MAP3K8: variants seen among roughly 807,000 people sequenced by gnomAD.
MAP3K8 encodes the protein mitogen-activated protein kinase kinase kinase 8.
In MAP3K8, 22 loss-of-function variants were observed where a neutral mutation model predicts 45.8. The observed-to-expected ratio is 0.48, with a 90% CI of 0.34 to 0.69. MAP3K8 has a LOEUF of 0.69. Among genes scored for constraint, MAP3K8 ranks in the 30% least tolerant of loss-of-function variants. MAP3K8 has a pLI of 0.01. For missense variants in MAP3K8, 419 were observed against 585.0 expected (o/e 0.72, Z 2.93); for synonymous variants, 223 against 214.3 (o/e 1.04, Z -0.36).
chr10:30,446,399 G>A (rs556406501), intron 3 of MAP3K8, among the ~76,000 whole-genome samples: 1 of 152,072 alleles, frequency 6.6e-6, no homozygotes, highest in Admixed American at 6.6e-5. Context: ...GCCAGGCGTG[G>A]TGGTGCGTAC....
Position 30,459,378 on chromosome 10 carries a change from A to C in MAP3K8, c.1150A>C (p.Lys384Gln). The change falls in exon 8 of 9, where the codon AAA becomes CAA. Residue 384 changes from lysine (K) to glutamine (Q), a missense_variant. Coordinates refer to ENST00000263056, the MANE Select transcript of MAP3K8 (RefSeq NM_005204.4). ...NHRPRAADLLKHEALNPPRED... is the reference protein window; with the variant it reads ...NHRPRAADLLQHEALNPPRED... The stretch of plus-strand genomic sequence containing the variant: ...CCGCCCAAGAGCCGCAGACCTACTA[A>C]AACATGAGGCCCTGAACCCGCCCAG... The C allele has an allele frequency of 6.2e-7, 1 of 1,614,116 alleles. No individual in the cohort carries two copies. Among genetic ancestry groups the C allele is most frequent in the South Asian group, 1.1e-5 (1 of 91,078 alleles).
At chr10:30,450,594 T>A in intron 5 of MAP3K8, 75 bp downstream of exon 5, 1 of 1,387,070 alleles carries the variant, frequency 7.2e-7, no homozygotes, top group Non-Finnish European at 1.0e-6. Context: ...CTCCTTCCTG[T>A]AATCTGAAGA....
chr10:30,455,051 G>A lies in MAP3K8; in HGVS notation c.874-3033G>A, dbSNP rs142552658. Among the ~76,000 whole-genome samples the A allele has an allele frequency of 5.9e-4, 90 of 152,270 alleles. 1 individual carries two copies. Among genetic ancestry groups the A allele is most frequent in the African/African-American group, 2.0e-3 (85 of 41,550 alleles). On this transcript the variant is annotated intron_variant, in intron 6 of 8. Coordinates refer to ENST00000263056, the MANE Select transcript of MAP3K8 (RefSeq NM_005204.4). ...AGTGTTCTTTCTGGGGCTGTCTAGC[G>A]GAATGCATGGATATGAGATAATAAC...
At chr10:30,441,582 G>C (rs8176978) in intron 3 of MAP3K8, among the ~76,000 whole-genome samples, 2,474 of 152,264 alleles carry the variant, frequency 0.016, 70 homozygotes, top group African/African-American at 0.056. Flanking sequence ...AAAAACAGAA[G>C]AGAATAAGAG....
rs140828022 is a variant in MAP3K8 at position 30,457,687 on chromosome 10, C to A, written c.874-397C>A. The stretch of plus-strand genomic sequence containing the variant: ...TTGAGACTGAGTCTCGCTCTGTCTC[C>A]CAGGCTGGAGTGCAGTGGTGCGATC... On this transcript the variant is annotated intron_variant, in intron 6 of 8. Transcript: ENST00000263056. 5.3e-5 allele frequency among the ~76,000 whole-genome samples: 8 copies of A among 152,212 alleles called. 1 individual carries two copies. Among genetic ancestry groups the A allele is most frequent in the Non-Finnish European group, 1.0e-4 (7 of 68,016 alleles).
Position 30,439,044 on chromosome 10 carries a change from A to C in MAP3K8, c.106A>C (p.Ser36Arg), listed in dbSNP as rs1384970865. 1.2e-6 allele frequency: 2 copies of C among 1,614,116 alleles called. No individual in the cohort carries two copies. The highest frequency in any genetic ancestry group is 2.7e-5 in the African/African-American group (2 of 75,054). Reference protein sequence around the residue: ...VIDIMENLYASEEPAVYEPSL... With the variant: ...VIDIMENLYAREEPAVYEPSL... ...AGACATTATGGAAAATCTTTATGCA[A>C]GTGAAGAGCCAGCAGTTTATGAACC... The change falls in exon 3 of 9, where the codon AGT (serine) becomes CGT (arginine). Residue 36 changes from serine to arginine, a missense_variant. Ser to Arg is a moderately radical substitution (Grantham distance 110). Coordinates refer to ENST00000263056, the MANE Select transcript of MAP3K8 (RefSeq NM_005204.4).
At chr10:30,435,576 G>C (rs1404186466) in intron 1 of MAP3K8, among the ~76,000 whole-genome samples, 1 of 152,102 alleles carries the variant, frequency 6.6e-6, no homozygotes, top group Non-Finnish European at 1.5e-5. Flanking sequence ...TTTTGAGAGG[G>C]GGTTTCACTC....
At chr10:30,457,069 G>C (rs1836756582) in intron 6 of MAP3K8, among the ~76,000 whole-genome samples, 1 of 151,818 alleles carries the variant, frequency 6.6e-6, no homozygotes, top group Non-Finnish European at 1.5e-5. Flanking sequence ...GGGTGACAGA[G>C]GGAGACCCCA....
chr10:30,434,462 G>T, intron 1 of MAP3K8, 84 bp downstream of exon 1: 1 of 985,656 alleles, frequency 1.0e-6, no homozygotes, highest in African/African-American at 1.7e-5. Context: ...CAGAAATGGA[G>T]GGTGCCCCCA....
chr10:30,444,065 G>T (rs374321650), intron 3 of MAP3K8, among the ~76,000 whole-genome samples: 1 of 151,796 alleles, frequency 6.6e-6, no homozygotes, highest in East Asian at 1.9e-4. Context: ...TGGCACACAC[G>T]TGTAGTCCCA....
rs1320749542 is a variant in MAP3K8, at chr10:30,438,807, G to A, written c.-23-109G>A. The stretch of plus-strand genomic sequence containing the variant: ...AGTTGACACAGAACCCTCGTTTTCT[G>A]AACAAAAGCATATAAAATCCTGTTG... On this transcript the variant is annotated intron_variant, in intron 2 of 8. Transcript: ENST00000263056. The A allele has an allele frequency of 1.2e-5, 8 of 648,062 alleles. No individual in the cohort carries two copies. The East Asian group carries it at 1.9e-4, about 16-fold the overall frequency. The allele number at this position is 648,062 out of a possible 1,614,324, so 40.1% of individuals were successfully genotyped here.
Position 30,458,198 on chromosome 10 carries a change from C to T in MAP3K8, c.988C>T (p.Arg330Cys). 1.3e-6 allele frequency: 2 copies of T among 1,589,066 alleles called. No homozygotes were observed. The highest frequency in any genetic ancestry group is 1.1e-5 in the South Asian group (1 of 87,282). The change falls in exon 7 of 9, where the codon CGC becomes TGC. Residue 330 changes from arginine to cysteine, a missense_variant. Physicochemically the swap from Arg to Cys is radical, Grantham distance 180. This residue lies in a region of MAP3K8 where 209 missense variants were observed against 367.3 expected (regional missense o/e 0.57). Coordinates refer to ENST00000263056, the MANE Select transcript of MAP3K8 (RefSeq NM_005204.4). ...GACGGGCACCCCACCCTGGGTGAAG[C>T]GCTACCCTCGCTCAGCCTATCCCTC... ...MQTGTPPWVK[R>C]YPRSAYPSYL...
At chr10:30,440,763 C>G (rs1836076062) in intron 3 of MAP3K8, among the ~76,000 whole-genome samples, 1 of 151,808 alleles carries the variant, frequency 6.6e-6, no homozygotes, top group African/African-American at 2.4e-5. Flanking sequence ...GTGTATTTCT[C>G]TCATTTTTAA....
chr10:30,460,586 C>A, intron 8 of MAP3K8, 120 bp from the exon 9 acceptor site: 1 of 768,230 alleles, frequency 1.3e-6, no homozygotes, highest in Non-Finnish European at 2.0e-6. Context: ...AAAGACCCAT[C>A]TTTCACGCTT....
chr10:30,441,238 T>C (rs192852077), intron 3 of MAP3K8, among the ~76,000 whole-genome samples: 3 of 151,638 alleles, frequency 2.0e-5, no homozygotes, highest in East Asian at 3.9e-4. Context: ...CTCACTGCAA[T>C]CTCCGCCTCA....
At chr10:30,443,640 A>G (rs536926361) in intron 3 of MAP3K8, among the ~76,000 whole-genome samples, 1 of 152,362 alleles carries the variant, frequency 6.6e-6, no homozygotes, top group South Asian at 2.1e-4. Context: ...TGTGCTAGAT[A>G]ATATGCCTGC....
chr10:30,448,625 G>A (rs1187985975), intron 4 of MAP3K8, among the ~76,000 whole-genome samples: 2 of 151,880 alleles, frequency 1.3e-5, no homozygotes, highest in Non-Finnish European at 2.9e-5. Context: ...GTAGAGACGG[G>A]TTTCACCATG....
intron 3 of MAP3K8, among the ~76,000 whole-genome samples, chr10:30,439,636 C>T (rs1170536642): frequency 6.6e-6 from 1 of 152,096 alleles, no homozygotes; most frequent in Non-Finnish European, 1.5e-5. Flanking sequence ...ATGGTGAAAC[C>T]CCGTCTCTAC....
intron 6 of MAP3K8, among the ~76,000 whole-genome samples, chr10:30,456,425 A>C (rs1022606522): frequency 6.6e-5 from 10 of 152,142 alleles, no homozygotes; most frequent in African/African-American, 2.4e-4. Flanking sequence ...CTGGCCCGGA[A>C]GTGGCTTGCA....
Sources: gnomAD v4.1 joint callset for allele counts (sites outside exome capture counted in the v4.1 genomes callset) on GRCh38, gnomAD v4.1.1 for gene constraint, gnomAD v4.1.1 regional missense constraint, MANE v1.5 for transcripts, NCBI Gene and HGNC (gene_info 2026-07-23, HGNC 2026-07-21) for gene names.